Variants in SPTBN5 observed in about 807,000 individuals in gnomAD.
The protein encoded by SPTBN5 is spectrin beta, non-erythrocytic 5.
A neutral mutation model predicts 477.6 loss-of-function variants in SPTBN5; 513 were observed. The ratio of observed to expected loss-of-function variants is 1.07; its 90% CI spans 1.00 to 1.16. The LOEUF (loss-of-function observed/expected upper bound fraction) is 1.16. SPTBN5 is among the 50% of genes most tolerant of loss of function. The probability of loss-of-function intolerance (pLI) is 0.00; values close to 1 mark genes in which losing one functional copy is unlikely to be tolerated. For synonymous variants in SPTBN5, 2,169 were observed against 2,011.7 expected, an observed-to-expected ratio of 1.08 and a Z score of -2.09; for missense variants, 5,062 against 4,731.8, an observed-to-expected ratio of 1.07 and a Z score of -2.05.
intron 3 of SPTBN5, among the ~76,000 whole-genome samples, 173 bp from the exon 4 acceptor site, chr15:41,890,378 C>T (rs2067274059): frequency 1.3e-5 from 2 of 152,260 alleles, no homozygotes; most frequent in Admixed American, 6.5e-5. Context: ...AAAGCAAAGG[C>T]TTCCTGCCTG....
Position 41,876,269 on chromosome 15 carries a change from C to T in SPTBN5, c.3967G>A (p.Val1323Met), listed in dbSNP as rs772328581. 2.5e-6 allele frequency: 4 copies of T among 1,574,312 alleles called. No homozygotes were observed. Among genetic ancestry groups the T allele is most frequent in the Non-Finnish European group, 3.4e-6 (4 of 1,159,884 alleles). ...TCCATCCACTGCATCAGCTCTGCCACATCCTGCTTCCACTCCTGCCAAGAA... is the reference window on the plus strand; with the variant it reads ...TCCATCCACTGCATCAGCTCTGCCATATCCTGCTTCCACTCCTGCCAAGAA... Reference protein sequence around the residue: ...SLQLQEWKQDVAELMQWMEEK... With the variant: ...SLQLQEWKQDMAELMQWMEEK... Residue 1323 changes from valine to methionine, a missense_variant, in exon 21 of 68, where the codon GTG becomes ATG. Transcript: ENST00000320955.
At position 41,871,431 on chromosome 15, in the gene SPTBN5, C is replaced by A. The variant is rs2077897307; in HGVS notation, c.5391G>T (p.Leu1797=). ...GGCCAGCACTGTGCCCACGCTCTAG[C>A]AGGCTCTCCGCCAGCAGCCGGCAGG... is the stretch of plus-strand genomic sequence containing the variant. ...VAACRLLAES[L]LERGHSAGPM... The change falls in exon 29 of 68, where the codon CTG becomes CTT. Residue 1797 remains leucine (L), a synonymous_variant. Coordinates refer to ENST00000320955, the MANE Select transcript of SPTBN5 (RefSeq NM_016642.4). The A allele has an allele frequency of 6.5e-7, 1 of 1,543,906 alleles. No homozygotes were observed. Among genetic ancestry groups the A allele is most frequent in the Non-Finnish European group, 8.7e-7 (1 of 1,143,856 alleles).
rs1369970808 is a variant in SPTBN5 at position 41,868,432 on chromosome 15, T to C, written c.6023A>G (p.Gln2008Arg). 1 of 1,607,200 alleles carries C rather than the reference T, an allele frequency of 6.2e-7. No homozygotes were observed. Among genetic ancestry groups the C allele is most frequent in the Non-Finnish European group, 8.5e-7 (1 of 1,176,210 alleles). ...GGGTGTCCCTGCAGCAAGAAGTGCC[T>C]GCTGCCCCAGCTGGGTGGCCTGCTG... ...LWQQATQLGQ[Q>R]ALLAAGTPTK... Residue 2008 changes from glutamine (Q) to arginine (R), a missense_variant, in exon 33 of 68, where the codon CAG (glutamine) becomes CGG (arginine). By Grantham distance (43) the Gln-to-Arg change is conservative. Coordinates refer to ENST00000320955, the MANE Select transcript of SPTBN5 (RefSeq NM_016642.4).
Position 41,854,798 on chromosome 15 carries a change from A to ATTGC in SPTBN5, c.9598_9601dup (p.Ile3201SerfsTer14), listed in dbSNP as rs1567184139. 1.3e-6 allele frequency: 2 copies of ATTGC among 1,548,092 alleles called. No homozygotes were observed. Among genetic ancestry groups the ATTGC allele is most frequent in the Non-Finnish European group, 1.7e-6 (2 of 1,147,184 alleles). ...ATCACCTACCTCTGTGCGGGCTTTTATTGCTTGGTCCAACCTCTCCCAAGC... is the reference window on the plus strand; with the variant it reads ...ATCACCTACCTCTGTGCGGGCTTTTATTGCTTGCTTGGTCCAACCTCTCCCAAGC... On this transcript the variant is annotated frameshift_variant, in exon 56 of 68. Coordinates refer to ENST00000320955, the MANE Select transcript of SPTBN5 (RefSeq NM_016642.4). LOFTEE classifies it high-confidence loss of function.
At chr15:41,890,449 C>T (rs950844494) in intron 3 of SPTBN5, among the ~76,000 whole-genome samples, 1 of 152,250 alleles carries the variant, frequency 6.6e-6, no homozygotes. Flanking sequence ...CTGGGCTGGG[C>T]CCTCAGAGCA....
intron 34 of SPTBN5, 24 bp downstream of exon 34, chr15:41,868,045 G>A: frequency 6.3e-7 from 1 of 1,586,500 alleles, no homozygotes; most frequent in Non-Finnish European, 8.5e-7. Flanking sequence ...GCTGAGCGGA[G>A]TGTGAGGGCG....
At chr15:41,866,938 G>A (rs1262896388) in intron 36 of SPTBN5, 21 bp downstream of exon 36, 1 of 1,560,062 alleles carries the variant, frequency 6.4e-7, no homozygotes, top group Non-Finnish European at 8.7e-7. Context: ...GGAAGGCCCT[G>A]GGCTGGGGGT....
chr15:41,859,113 T>TGCCATTTTTGGAGAGGGTG, intron 47 of SPTBN5, 133 bp from the exon 48 acceptor site: 1 of 616,792 alleles, frequency 1.6e-6, no homozygotes. Context: ...TACATTGCAC[T>TGCCATTTTTGGAGAGGGTG]CCCCCTCTGT....
Position 41,848,369 on chromosome 15 carries a change from C to G in SPTBN5, c.*247G>C, listed in dbSNP as rs1218700542. The stretch of plus-strand genomic sequence containing the variant: ...GTAGCCCTGGCCTTGCCCACCTGCT[C>G]TGCCGTAACACGTCTCCTCTTCACC... On this transcript the variant is annotated 3_prime_UTR_variant, in exon 68 of 68. Transcript: ENST00000320955. 1 of 587,734 alleles carries G rather than the reference C, an allele frequency of 1.7e-6. No homozygotes were observed. The highest frequency in any genetic ancestry group is 3.1e-6 in the Non-Finnish European group (1 of 326,868). The allele number at this position is 587,734 out of a possible 1,614,324, so 36.4% of individuals were successfully genotyped here.
In SPTBN5 at chr15:41,862,583, C is replaced by T. The variant is rs2066149517; in HGVS notation, c.7341G>A (p.Glu2447=). 6.4e-7 allele frequency: 1 copy of T among 1,558,818 alleles called. No individual in the cohort carries two copies. The highest frequency in any genetic ancestry group is 8.7e-7 in the Non-Finnish European group (1 of 1,152,092). The part of the protein sequence containing the change: ...AAHGLRHRQQ[E]VAESWWQLRS... ...GGAGCTGCCACCAGCTCTCAGCCAC[C>T]TCCTGCTGCCTGTGCCTGAGGCCGT... The change falls in exon 43 of 68, where the codon GAG becomes GAA. Residue 2447 remains glutamate, a synonymous_variant. Transcript: ENST00000320955.
intron 13 of SPTBN5, 25 bp downstream of exon 13, chr15:41,881,009 G>A: frequency 3.9e-6 from 6 of 1,546,356 alleles, no homozygotes; most frequent in Non-Finnish European, 5.3e-6. Context: ...AAGGACTCGA[G>A]CATTTCTTGA....
intron 56 of SPTBN5, 132 bp from the exon 57 acceptor site, chr15:41,854,337 C>G: frequency 2.1e-6 from 2 of 958,258 alleles, no homozygotes; most frequent in South Asian, 3.3e-5. Flanking sequence ...TCCCCAGGTA[C>G]AGAAACCATC....
chr15:41,880,457 G>A lies in SPTBN5; in HGVS notation c.2659-145C>T, dbSNP rs2066912169. On this transcript the variant is annotated intron_variant, in intron 13 of 67. Transcript: ENST00000320955. ...AGAGGGGGTCCCTGCCTCACTGCTG[G>A]GCCCCACATCCTCTCTCAGAGCCCT... 2.4e-5 allele frequency: 21 copies of A among 858,504 alleles called. No individual in the cohort carries two copies. The East Asian group carries it at 5.6e-4, about 23-fold the overall frequency. The allele number at this position is 858,504 out of a possible 1,614,324, so 53.2% of individuals were successfully genotyped here.
chr15:41,881,233 A>G lies in SPTBN5; in HGVS notation c.2459T>C (p.Val820Ala). Residue 820 changes from valine to alanine, a missense_variant and splice_region_variant, in exon 13 of 68, where the codon GTG (valine) becomes GCG (alanine). By Grantham distance (64) the Val-to-Ala change is moderately conservative. Coordinates refer to ENST00000320955, the MANE Select transcript of SPTBN5 (RefSeq NM_016642.4). ...AASARASLFT[V>A]NSALSPPGES... ...TCCTGGAGGGCTCAGGGCAGAGTTC[A>G]CCTGTGTGACAAAGGGCAGCGCGTC... 1 of 1,601,536 alleles carries G rather than the reference A, an allele frequency of 6.2e-7. No individual in the cohort carries two copies.
At chr15:41,852,562 A>G in intron 61 of SPTBN5, 72 bp downstream of exon 61, 1 of 1,486,270 alleles carries the variant, frequency 6.7e-7, no homozygotes. Context: ...GTGCCCTGGG[A>G]GACACTGACT....
chr15:41,860,655 C>T lies in SPTBN5; in HGVS notation c.7919G>A (p.Arg2640His), dbSNP rs748733628. 3.9e-5 allele frequency: 60 copies of T among 1,557,244 alleles called. No individual in the cohort carries two copies. Among genetic ancestry groups the T allele is most frequent in the African/African-American group, 8.2e-5 (6 of 73,378 alleles). The change falls in exon 47 of 68, where the codon CGC (arginine) becomes CAC (histidine). Residue 2640 changes from arginine to histidine, a missense_variant. Physicochemically the swap from Arg to His is conservative, Grantham distance 29. Transcript: ENST00000320955. ...GKISALEATA[R>H]GLHQGGHPEA... Reference sequence around the variant, plus strand: ...GGGGTGCCCACCCTGGTGCAGGCCGCGGGCCGTGGCCTCCAGAGCACTGAT... The same window carrying T: ...GGGGTGCCCACCCTGGTGCAGGCCGTGGGCCGTGGCCTCCAGAGCACTGAT...
intron 7 of SPTBN5, among the ~76,000 whole-genome samples, chr15:41,883,963 G>T (rs1222568833): frequency 6.6e-6 from 1 of 151,352 alleles, no homozygotes; most frequent in African/African-American, 2.4e-5. Flanking sequence ...GCTAATTTTT[G>T]TATTTTTATT....
At chr15:41,866,854 C>A in intron 36 of SPTBN5, 105 bp downstream of exon 36, 1 of 1,381,548 alleles carries the variant, frequency 7.2e-7, no homozygotes, top group Admixed American at 2.6e-5. Context: ...GAAAGCCATC[C>A]ACCCCCGAAC....
rs766910197 is a variant in SPTBN5 at position 41,865,845 on chromosome 15, C to T, written c.6881G>A (p.Arg2294Gln). Residue 2294 changes from arginine (R) to glutamine (Q), a missense_variant, in exon 39 of 68, where the codon CGA becomes CAA. Coordinates refer to ENST00000320955, the MANE Select transcript of SPTBN5 (RefSeq NM_016642.4). ...TCCTCGGAACTCGCGGAGCCGCCGT[C>T]GGAGCTGCAGGCAGTGCTCCAGGTC... ...GQDLEHCLQL[R>Q]RRLREFRGNS... is the part of the protein sequence containing the mutation. The T allele has an allele frequency of 7.0e-6, 11 of 1,579,860 alleles. No homozygotes were observed. Among genetic ancestry groups the T allele is most frequent in the South Asian group, 3.5e-5 (3 of 85,940 alleles).
Sources: gnomAD v4.1 joint callset for allele counts (sites outside exome capture counted in the v4.1 genomes callset) on GRCh38, gnomAD v4.1.1 for gene constraint, MANE v1.5 for transcripts, NCBI Gene and HGNC (gene_info 2026-07-23, HGNC 2026-07-21) for gene names.